CLN3: variants seen among roughly 807,000 people sequenced by gnomAD.
The protein encoded by CLN3 is CLN3 lysosomal/endosomal transmembrane protein, battenin.
In CLN3, 49 loss-of-function variants were observed where a neutral mutation model predicts 60.7. The observed-to-expected ratio is 0.81, with a 90% CI of 0.64 to 1.02. CLN3 has a LOEUF of 1.02. Ranked by LOEUF, CLN3 falls within the 50% of genes least tolerant of loss-of-function variation. The pLI is 0.00. For synonymous variants in CLN3, 256 were observed against 245.8 expected, an observed-to-expected ratio of 1.04 and a Z score of -0.39; for missense variants, 516 against 557.4, an observed-to-expected ratio of 0.93 and a Z score of 0.75.
At chr16:28,486,300 G>A in intron 9 of CLN3, 47 bp downstream of exon 9, 6 of 1,609,344 alleles carry the variant, frequency 3.7e-6, no homozygotes, top group Non-Finnish European at 5.1e-6. Flanking sequence ...CCATGGCCAA[G>A]TTTTCTCTCC....
At chr16:28,488,029 G>A (rs773692511) in intron 5 of CLN3, 29 of 387,774 alleles carry the variant, frequency 7.5e-5, no homozygotes, top group Non-Finnish European at 1.2e-4. Context: ...CAGACAGAAA[G>A]GACTCAGAAA....
the CLN3 span, among the ~76,000 whole-genome samples, chr16:28,467,886 CTAA>C: frequency 4.8e-5 from 5 of 104,660 alleles, no homozygotes; most frequent in Admixed American, 1.1e-4. Context: ...CCAAAATCTC[CTAA>C]TGTTTTAAGA....
At position 28,484,078 on chromosome 16, in the gene CLN3, C is replaced by T. The variant is rs1260046621; in HGVS notation, c.718G>A (p.Gly240Arg). The change falls in exon 10 of 16, where the codon GGA (glycine) becomes AGA (arginine). Residue 240 changes from glycine (G) to arginine (R), a missense_variant. Transcript: ENST00000636147. ...LLTSPEAQDP[G>R]GEEEAESAAR... Reference sequence around the variant, plus strand: ...GCGCTCTCTGCTTCTTCTTCCCCTCCAGGGTCCTGGGCCTCAGGAGATGTG... The same window carrying T: ...GCGCTCTCTGCTTCTTCTTCCCCTCTAGGGTCCTGGGCCTCAGGAGATGTG... 5 of 1,612,622 alleles carry T rather than the reference C, an allele frequency of 3.1e-6. No individual in the cohort carries two copies. Among genetic ancestry groups the T allele is most frequent in the South Asian group, 2.2e-5 (2 of 90,622 alleles).
chr16:28,481,460 A>ACGCG (rs1555468034), intron 14 of CLN3, among the ~76,000 whole-genome samples: 1 of 148,776 alleles, frequency 6.7e-6, no homozygotes, highest in Non-Finnish European at 1.5e-5. Flanking sequence ...ACACGCACAC[A>ACGCG]CACACACACA....
rs1207520876 is a variant in CLN3, at chr16:28,483,741, C to T, written c.790+265G>A. 5.4e-3 allele frequency among the ~76,000 whole-genome samples: 314 copies of T among 58,218 alleles called. 7 individuals carry two copies. Among genetic ancestry groups the T allele is most frequent in the Admixed American group, 0.046 (207 of 4,518 alleles). 38.2% of individuals were successfully genotyped at this position (58,218 alleles called of 152,430 possible). ...TTTTTTTTTTTTTTTTTTTTTTTTG[C>T]GACAAGGTCTTGCTCTGTTGCCCAG... On this transcript the variant is annotated intron_variant, in intron 10 of 15. Coordinates refer to ENST00000636147, the MANE Select transcript of CLN3 (RefSeq NM_001042432.2).
downstream of CLN3, among the ~76,000 whole-genome samples, chr16:28,470,155 G>T (rs1369971304): frequency 7.3e-6 from 1 of 136,356 alleles, no homozygotes; most frequent in Non-Finnish European, 1.5e-5. Flanking sequence ...GGGATAACAG[G>T]TACGCACCAC....
chr16:28,473,726 C>T (rs1310697843), downstream of CLN3, among the ~76,000 whole-genome samples: 1 of 152,144 alleles, frequency 6.6e-6, no homozygotes, highest in Non-Finnish European at 1.5e-5. Context: ...AATCTTACAA[C>T]TCAAAAAGAC....
chr16:28,481,454 G>GCACACACA (rs373490479), intron 14 of CLN3, among the ~76,000 whole-genome samples: 4 of 129,230 alleles, frequency 3.1e-5, no homozygotes, highest in African/African-American at 1.2e-4. Context: ...ACACACACAC[G>GCACACACA]CACACACACA....
intron 1 of CLN3, 64 bp downstream of exon 1, chr16:28,491,956 C>T: frequency 1.5e-6 from 1 of 669,700 alleles, no homozygotes; most frequent in Non-Finnish European, 2.6e-6. Context: ...CCCTACGACC[C>T]ACCACGCCCC....
intron 10 of CLN3, among the ~76,000 whole-genome samples, chr16:28,483,088 G>A: frequency 6.6e-6 from 1 of 151,766 alleles, no homozygotes; most frequent in Non-Finnish European, 1.5e-5. Context: ...TGGGCAACAA[G>A]AGCGAAACTC....
intron 14 of CLN3, among the ~76,000 whole-genome samples, chr16:28,480,329 C>T (rs938334212): frequency 2.0e-5 from 3 of 151,966 alleles, no homozygotes. Context: ...ATTGGGATTA[C>T]AGGTGTGAGC....
rs932586773 is a variant in CLN3 at position 28,482,540 on chromosome 16, C to T, written c.843G>A (p.Leu281=). 1 of 1,614,170 alleles carries T rather than the reference C, an allele frequency of 6.2e-7. No individual in the cohort carries two copies. Among genetic ancestry groups the T allele is most frequent in the South Asian group, 1.1e-5 (1 of 91,088 alleles). ...LRERWTVFKG[L]LWYIVPLVVV... is the part of the protein sequence containing the mutation. ...CGACCAAGGGAACAATGTACCACAGCAGACCCTGGAAAAGGCAGAAGATAT... is the reference window on the plus strand; with the variant it reads ...CGACCAAGGGAACAATGTACCACAGTAGACCCTGGAAAAGGCAGAAGATAT... The change falls in exon 12 of 16, where the codon CTG becomes CTA. Residue 281 remains leucine, a synonymous_variant. Coordinates refer to ENST00000636147, the MANE Select transcript of CLN3 (RefSeq NM_001042432.2).
intron 14 of CLN3, among the ~76,000 whole-genome samples, chr16:28,479,061 A>C (rs1486604138): frequency 6.6e-6 from 1 of 152,100 alleles, no homozygotes; most frequent in Non-Finnish European, 1.5e-5. Context: ...TCCCCACCCC[A>C]GGGTGTAGGT....
chr16:28,475,808 G>A (rs1347808922), downstream of CLN3: 1 of 151,830 alleles, frequency 6.6e-6, no homozygotes, highest in Non-Finnish European at 1.5e-5. Flanking sequence ...GTAAATAAAA[G>A]TACTGTTAGG....
the CLN3 span, among the ~76,000 whole-genome samples, chr16:28,467,562 TTTTG>T: frequency 1.5e-5 from 2 of 137,332 alleles, no homozygotes; most frequent in African/African-American, 2.7e-5. Context: ...AGCCATTTTT[TTTTG>T]TTTTTGTTTT....
the CLN3 span, among the ~76,000 whole-genome samples, chr16:28,467,386 G>A: frequency 2.4e-5 from 1 of 40,974 alleles, no homozygotes; most frequent in Non-Finnish European, 4.9e-5. Flanking sequence ...AGCCTCCCGA[G>A]TAGCTGAGAT....
chr16:28,482,002 A>T, intron 14 of CLN3, 103 bp downstream of exon 14: 1 of 832,910 alleles, frequency 1.2e-6, no homozygotes, highest in Non-Finnish European at 1.9e-6. Flanking sequence ...AAAAAAAAAA[A>T]ATTTACACTT....
In CLN3 at chr16:28,486,597, G is replaced by C. The variant is rs1157169404; in HGVS notation, c.514C>G (p.Leu172Val). The stretch of plus-strand genomic sequence containing the variant: ...GCTTACCTGGGGTAGAAGGCAGTGA[G>C]GGAGAGGAAGGTGACCTCCCCAAGG... ...SGLGEVTFLSLTAFYPRAVIS... is the reference protein window; with the variant it reads ...SGLGEVTFLSVTAFYPRAVIS... Residue 172 changes from leucine to valine, a missense_variant, in exon 8 of 16, where the codon CTC (leucine) becomes GTC (valine). Transcript: ENST00000636147. 1.2e-6 allele frequency: 2 copies of C among 1,611,262 alleles called. No individual in the cohort carries two copies. Among genetic ancestry groups the C allele is most frequent in the East Asian group, 2.2e-5 (1 of 44,738 alleles).
Position 28,482,040 on chromosome 16 carries a change from T to A in CLN3, c.1056+65A>T, listed in dbSNP as rs2046105415. The stretch of plus-strand genomic sequence containing the variant: ...CACTGATAGTGGGAAGCAGGGGGTT[T>A]GGGGAAGCTGGGAGCCAAGCTGGGA... On this transcript the variant is annotated intron_variant, in intron 14 of 15. Coordinates refer to ENST00000636147, the MANE Select transcript of CLN3 (RefSeq NM_001042432.2). The A allele has an allele frequency of 2.4e-6, 3 of 1,252,102 alleles. No individual in the cohort carries two copies. In the South Asian group the frequency reaches 3.7e-5, roughly 16 times the overall value. 77.6% of individuals were successfully genotyped at this position (1,252,102 alleles called of 1,614,324 possible).
Sources: allele counts gnomAD v4.1 joint callset (sites outside exome capture counted in the v4.1 genomes callset), GRCh38; gene constraint gnomAD v4.1.1; transcripts MANE v1.5; gene names NCBI Gene and HGNC (gene_info 2026-07-23, HGNC 2026-07-21).